ZNF462: variants seen among roughly 807,000 people sequenced by gnomAD.
ZNF462 encodes zinc finger PBX1-interacting protein.
ZNF462 carries 10 observed loss-of-function variants against 201.9 expected under a neutral mutation model. The observed-to-expected ratio is 0.05, with a 90% CI of 0.03 to 0.08. The LOEUF (loss-of-function observed/expected upper bound fraction) is 0.08, where lower values mean the gene tolerates loss of function less well. ZNF462 is among the 10% of genes least tolerant of loss of function. ZNF462 has a pLI of 1.00. For synonymous variants in ZNF462, 1,227 were observed against 1,193.3 expected (o/e 1.03, Z -0.58); for missense variants, 2,523 against 3,168.3 (o/e 0.80, Z 4.89).
chr9:106,946,573 C>A (rs1322855382), intron 7 of ZNF462, among the ~76,000 whole-genome samples: 1 of 152,080 alleles, frequency 6.6e-6, no homozygotes, highest in Non-Finnish European at 1.5e-5. Flanking sequence ...GGAGAAGTCA[C>A]AAGAGTGAGC....
chr9:106,971,865 T>C (rs1826635069), intron 7 of ZNF462, 140 bp from the exon 8 acceptor site: 1 of 1,029,196 alleles, frequency 9.7e-7, no homozygotes. Flanking sequence ...TTGTACACCT[T>C]AAGTATAAAC....
intron 10 of ZNF462, among the ~76,000 whole-genome samples, chr9:107,001,540 G>C (rs1301371375): frequency 6.6e-6 from 1 of 152,136 alleles, no homozygotes. Flanking sequence ...GGGTCTGTCT[G>C]ACTTCAAAGA....
At chr9:106,892,573 A>G (rs1414649753) in intron 1 of ZNF462, among the ~76,000 whole-genome samples, 1 of 152,102 alleles carries the variant, frequency 6.6e-6, no homozygotes, top group African/African-American at 2.4e-5. Flanking sequence ...ACTCCAAGGC[A>G]GTGGAAAAGA....
intron 7 of ZNF462, among the ~76,000 whole-genome samples, chr9:106,964,532 T>C (rs1831985372): frequency 6.6e-6 from 1 of 152,086 alleles, no homozygotes; most frequent in South Asian, 2.1e-4. Context: ...TACACTGCGT[T>C]GTGTGTTACT....
In ZNF462 at chr9:106,926,011, C is replaced by A. The variant is rs1331591458; in HGVS notation, c.2099C>A (p.Ala700Glu). Residue 700 changes from alanine (A) to glutamate (E), a missense_variant, in exon 3 of 13, where the codon GCA becomes GAA. Ala to Glu is a moderately radical substitution (Grantham distance 107, BLOSUM62 -1). Transcript: ENST00000277225. This position sits in a 1 kb window ranked among gnomAD's most constrained non-coding sequence, Gnocchi z 7.9. ...VKKRTRIDEI[A>E]SNLQSKINQT... is the part of the protein sequence containing the mutation. ...AAGAGAACCAGGATTGACGAGATAG[C>A]AAGCAACCTTCAGAGCAAAATTAAC... 1.2e-6 allele frequency: 2 copies of A among 1,614,154 alleles called. No individual in the cohort carries two copies. Among genetic ancestry groups the A allele is most frequent in the Non-Finnish European group, 1.7e-6 (2 of 1,180,026 alleles).
chr9:106,949,657 T>A (rs936842236), intron 7 of ZNF462, among the ~76,000 whole-genome samples: 3 of 152,192 alleles, frequency 2.0e-5, no homozygotes, highest in African/African-American at 7.2e-5. Flanking sequence ...TCTACTTCCT[T>A]TGTTTAATGA....
intron 7 of ZNF462, among the ~76,000 whole-genome samples, chr9:106,952,526 G>T (rs1403689982): frequency 6.6e-6 from 1 of 152,160 alleles, no homozygotes; most frequent in South Asian, 2.1e-4. Context: ...ACAGTTCAGT[G>T]TTTGGAAGGT....
chr9:106,967,710 A>G (rs1832142427), intron 7 of ZNF462, among the ~76,000 whole-genome samples: 1 of 152,158 alleles, frequency 6.6e-6, no homozygotes, highest in African/African-American at 2.4e-5. Context: ...ATTTGAGGAC[A>G]ATTTATCAAG....
rs1049197640 is a variant in ZNF462 at position 106,886,912 on chromosome 9, A to G, written c.-31+23557A>G. On this transcript the variant is annotated intron_variant, in intron 1 of 12. Coordinates refer to ENST00000277225, the MANE Select transcript of ZNF462 (RefSeq NM_021224.6). The surrounding 1 kb of genome is among the most constrained non-coding windows in gnomAD (Gnocchi z 4.6). ...TGGAGATCAAGCAGAGAAGTCTGCAATAGGCGGGAGAGGGTAAATGACAGG... is the reference window on the plus strand; with the variant it reads ...TGGAGATCAAGCAGAGAAGTCTGCAGTAGGCGGGAGAGGGTAAATGACAGG... 1.3e-5 allele frequency among the ~76,000 whole-genome samples: 2 copies of G among 152,014 alleles called. No individual in the cohort carries two copies. The highest frequency in any genetic ancestry group is 2.4e-5 in the African/African-American group (1 of 41,388).
chr9:106,961,064 T>C (rs754188449), intron 7 of ZNF462, among the ~76,000 whole-genome samples: 1 of 152,070 alleles, frequency 6.6e-6, no homozygotes, highest in South Asian at 2.1e-4. Flanking sequence ...TGCAAAGGGC[T>C]CTATTTGTAT....
chr9:106,861,334 T>C (rs1484163526), upstream of ZNF462, among the ~76,000 whole-genome samples: 1 of 152,108 alleles, frequency 6.6e-6, no homozygotes, highest in African/African-American at 2.4e-5. Flanking sequence ...TCTTCCTTTA[T>C]TGTATGGATT....
At position 106,938,891 on chromosome 9, in the gene ZNF462, A is replaced by T. The variant is rs779316961; in HGVS notation, c.6236-25A>T. 7.0e-6 allele frequency: 11 copies of T among 1,576,930 alleles called. No individual in the cohort carries two copies. In the Admixed American group the frequency reaches 7.2e-5, roughly 10 times the overall value. ...CCTTCTCCCCTCTTTTTCCTGTTCT[A>T]TTTCTTGTCACCATCCTCTTCCAGG... On this transcript the variant is annotated intron_variant, in intron 6 of 12. Coordinates refer to ENST00000277225, the MANE Select transcript of ZNF462 (RefSeq NM_021224.6). This position sits in a 1 kb window ranked among gnomAD's most constrained non-coding sequence, Gnocchi z 4.4.
rs1491101976 is a variant in ZNF462, at chr9:106,885,912, CAG to C, written c.-31+22564_-31+22565del. Among the ~76,000 whole-genome samples, 123 of 152,198 alleles carry C rather than the reference CAG, an allele frequency of 8.1e-4. No individual in the cohort carries two copies. Among genetic ancestry groups the C allele is most frequent in the Admixed American group, 1.4e-3 (22 of 15,284 alleles). ...CCACTTGGAGAGAAGGGGAGGATGC[CAG>C]AGAGAGTCATGTTCTGATAATTATT... is the stretch of plus-strand genomic sequence containing the variant. On this transcript the variant is annotated intron_variant, in intron 1 of 12. Coordinates refer to ENST00000277225, the MANE Select transcript of ZNF462 (RefSeq NM_021224.6). This position sits in a 1 kb window ranked among gnomAD's most constrained non-coding sequence, Gnocchi z 4.1.
chr9:106,868,629 G>C (rs1827450584), intron 1 of ZNF462, among the ~76,000 whole-genome samples: 1 of 152,158 alleles, frequency 6.6e-6, no homozygotes, highest in South Asian at 2.1e-4. Context: ...TTTAGATGAA[G>C]TCTCCTCCTT....
rs1292870233 is a variant in ZNF462, at chr9:106,930,380, T to C, written c.5848-145T>C. 2 of 1,044,968 alleles carry C rather than the reference T, an allele frequency of 1.9e-6. No individual in the cohort carries two copies. The highest frequency in any genetic ancestry group is 2.7e-6 in the Non-Finnish European group (2 of 741,508). 64.7% of individuals were successfully genotyped at this position (1,044,968 alleles called of 1,614,324 possible). On this transcript the variant is annotated intron_variant, in intron 3 of 12. Coordinates refer to ENST00000277225, the MANE Select transcript of ZNF462 (RefSeq NM_021224.6). The surrounding 1 kb of genome is among the most constrained non-coding windows in gnomAD (Gnocchi z 5.8). ...CGTGCCATGATGCTGACAAATTTGTTATATAAAAATACTCGCCTATATCTC... is the reference window on the plus strand; with the variant it reads ...CGTGCCATGATGCTGACAAATTTGTCATATAAAAATACTCGCCTATATCTC...
rs1042292244 is a variant in ZNF462 at position 106,938,074 on chromosome 9, G to C, written c.6236-842G>C. Among the ~76,000 whole-genome samples the C allele has an allele frequency of 2.0e-5, 3 of 152,152 alleles. No homozygotes were observed. Among genetic ancestry groups the C allele is most frequent in the African/African-American group, 7.2e-5 (3 of 41,428 alleles). On this transcript the variant is annotated intron_variant, in intron 6 of 12. Coordinates refer to ENST00000277225, the MANE Select transcript of ZNF462 (RefSeq NM_021224.6). This position sits in a 1 kb window ranked among gnomAD's most constrained non-coding sequence, Gnocchi z 4.4. ...ACTTCACACTCTTAGTTCTTAAAATGTAATTAATTTAACAGGTAATATATG... is the reference window on the plus strand; with the variant it reads ...ACTTCACACTCTTAGTTCTTAAAATCTAATTAATTTAACAGGTAATATATG...
intron 9 of ZNF462, chr9:106,976,182 T>C (rs1826990246): frequency 6.6e-6 from 1 of 152,170 alleles, no homozygotes; most frequent in South Asian, 2.1e-4. Context: ...CACCTCTAAG[T>C]ATGAAAAAGC....
intron 7 of ZNF462, among the ~76,000 whole-genome samples, chr9:106,951,847 TTG>T (rs1181358957): frequency 6.6e-6 from 1 of 151,726 alleles, no homozygotes; most frequent in Non-Finnish European, 1.5e-5. Flanking sequence ...CATAACAGTG[TTG>T]TGTTTTTTTT....
chr9:106,867,583 AAAAAC>A (rs1353627913), intron 1 of ZNF462, among the ~76,000 whole-genome samples: 1 of 152,134 alleles, frequency 6.6e-6, no homozygotes, highest in African/African-American at 2.4e-5. Flanking sequence ...AGAAAAAAAA[AAAAAC>A]AAACTTATCT....
Sources: allele counts gnomAD v4.1 joint callset (sites outside exome capture counted in the v4.1 genomes callset), GRCh38; gene constraint gnomAD v4.1.1; non-coding constraint Gnocchi (gnomAD v3.1); transcripts MANE v1.5; gene names NCBI Gene and HGNC (gene_info 2026-07-23, HGNC 2026-07-21).